The following BBS4 variants were observed in gnomAD, a reference collection of about 807,000 sequenced individuals.
BBS4 encodes the protein BBSome complex member BBS4.
BBS4 carries 58 observed loss-of-function variants against 71.4 expected under a neutral mutation model. The observed-to-expected ratio is 0.81, with a 90% CI of 0.66 to 1.01. The LOEUF (loss-of-function observed/expected upper bound fraction) is 1.01, where lower values mean the gene tolerates loss of function less well. Ranked by LOEUF, BBS4 falls within the 50% of genes least tolerant of loss-of-function variation. The pLI is 0.00. For synonymous variants in BBS4, 228 were observed against 216.8 expected, an observed-to-expected ratio of 1.05 and a Z score of -0.46; for missense variants, 660 against 607.9, an observed-to-expected ratio of 1.09 and a Z score of -0.90.
Position 72,727,991 on chromosome 15 carries a change from A to G in BBS4, c.639A>G (p.Leu213=), listed in dbSNP as rs149663241. The G allele has an allele frequency of 4.5e-5, 72 of 1,610,370 alleles. No individual in the cohort carries two copies. Among genetic ancestry groups the G allele is most frequent in the Non-Finnish European group, 5.7e-5 (67 of 1,176,722 alleles). ...TTACAACTTTAGGATTACTCTACTTACAGGTAATGAAAACTCTGTACTCAT... is the reference window on the plus strand; with the variant it reads ...TTACAACTTTAGGATTACTCTACTTGCAGGTAATGAAAACTCTGTACTCAT... ...ELLTTLGLLY[L]QLGIYQKAFE... is the part of the protein sequence containing the mutation. The change falls in exon 9 of 16, where the codon TTA becomes TTG. Residue 213 remains leucine (L), a synonymous_variant. Transcript: ENST00000268057.
At chr15:72,709,967 G>T (rs1478960353) in intron 3 of BBS4, among the ~76,000 whole-genome samples, 188 bp downstream of exon 3, 2 of 152,036 alleles carry the variant, frequency 1.3e-5, no homozygotes, top group African/African-American at 4.8e-5. Flanking sequence ...CAATATTTCA[G>T]TGGCCCCCAA....
intron 2 of BBS4, among the ~76,000 whole-genome samples, chr15:72,703,050 A>T (rs1266602067): frequency 4.0e-5 from 6 of 151,150 alleles, no homozygotes; most frequent in Non-Finnish European, 8.8e-5. Context: ...TGACCTCGTG[A>T]TCCGCCCGCC....
chr15:72,702,373 C>T (rs1400710106), intron 2 of BBS4, among the ~76,000 whole-genome samples: 1 of 152,086 alleles, frequency 6.6e-6, no homozygotes, highest in East Asian at 1.9e-4. Context: ...TGAGAATGTT[C>T]TCTGAATTGC....
intron 1 of BBS4, 149 bp from the exon 2 acceptor site, chr15:72,695,028 C>T (rs1262429615): frequency 2.3e-5 from 13 of 575,702 alleles, no homozygotes; most frequent in Non-Finnish European, 3.7e-5. Flanking sequence ...TTTTTTAAAC[C>T]ATATTTAAAG....
chr15:72,719,763 TTG>T (rs201576858), intron 6 of BBS4, among the ~76,000 whole-genome samples: 69,425 of 122,598 alleles, frequency 0.57, 17,860 homozygotes, highest in Non-Finnish European at 0.64. Context: ...TTTTTTTTTT[TTG>T]TTGAGACAGA....
chr15:72,736,808 A>T lies in BBS4; in HGVS notation c.1295A>T (p.Glu432Val), dbSNP rs774171182. ...TTGGGAGCTGCTCTCCAGGTTGGGG[A>T]GGCACTGGTCTGGACCAAACCAGTT... ...QKLGAALQVGEALVWTKPVKD... is the reference protein window; with the variant it reads ...QKLGAALQVGVALVWTKPVKD... The change falls in exon 15 of 16, where the codon GAG becomes GTG. Residue 432 changes from glutamate (E) to valine (V), a missense_variant. Glu to Val is a moderately radical substitution (Grantham distance 121, BLOSUM62 -2). Transcript: ENST00000268057. 6.2e-7 allele frequency: 1 copy of T among 1,614,128 alleles called. No individual in the cohort carries two copies. Among genetic ancestry groups the T allele is most frequent in the East Asian group, 2.2e-5 (1 of 44,870 alleles).
chr15:72,716,146 CT>C (rs2065465307), intron 5 of BBS4, among the ~76,000 whole-genome samples: 2 of 152,176 alleles, frequency 1.3e-5, no homozygotes, highest in Admixed American at 1.3e-4. Context: ...AATGGGTTTA[CT>C]GGGATGTAAC....
At position 72,729,939 on chromosome 15, in the gene BBS4, T is replaced by C. The variant is rs150440563; in HGVS notation, c.711+255T>C. On this transcript the variant is annotated intron_variant, in intron 10 of 15. Transcript: ENST00000268057. ...CAGATCATAGTGCTAGTAAAGCTTATGTGTTACTTAGGAAATTAGCAATGC... is the reference window on the plus strand; with the variant it reads ...CAGATCATAGTGCTAGTAAAGCTTACGTGTTACTTAGGAAATTAGCAATGC... 7.9e-5 allele frequency among the ~76,000 whole-genome samples: 12 copies of C among 152,314 alleles called. No individual in the cohort carries two copies. The East Asian group carries it at 9.6e-4, about 12-fold the overall frequency.
intron 2 of BBS4, among the ~76,000 whole-genome samples, chr15:72,707,286 C>G (rs2065282296): frequency 6.8e-6 from 1 of 147,568 alleles, no homozygotes; most frequent in South Asian, 2.1e-4. Context: ...TCAAGTGATT[C>G]TGGTGCCCAA....
intron 8 of BBS4, among the ~76,000 whole-genome samples, chr15:72,725,719 C>CCTTCCCCCTTTTCT (rs1220543523): frequency 8.3e-6 from 1 of 120,674 alleles, no homozygotes; most frequent in South Asian, 3.9e-4. Context: ...CCCCGTTTTC[C>CCTTCCCCCTTTTCT]CTTCCCCCTT....
intron 2 of BBS4, among the ~76,000 whole-genome samples, chr15:72,703,594 G>A (rs1057341530): frequency 6.6e-6 from 1 of 152,096 alleles, no homozygotes; most frequent in African/African-American, 2.4e-5. Flanking sequence ...AAAATTTTAG[G>A]GGGGATAAAT....
intron 1 of BBS4, among the ~76,000 whole-genome samples, chr15:72,692,724 A>G (rs1270714340): frequency 6.6e-6 from 1 of 151,796 alleles, no homozygotes; most frequent in African/African-American, 2.4e-5. Context: ...CCTTCTGAGT[A>G]GCTAGGACTA....
intron 10 of BBS4, among the ~76,000 whole-genome samples, chr15:72,730,417 T>A (rs2065792480): frequency 6.6e-6 from 1 of 152,014 alleles, no homozygotes; most frequent in African/African-American, 2.4e-5. Context: ...GGCCACATAG[T>A]GAGACCCCCA....
At chr15:72,700,808 T>G (rs2065156697) in intron 2 of BBS4, among the ~76,000 whole-genome samples, 1 of 152,204 alleles carries the variant, frequency 6.6e-6, no homozygotes, top group Non-Finnish European at 1.5e-5. Flanking sequence ...ATTTTTCTTT[T>G]GTTATTAATG....
intron 1 of BBS4, among the ~76,000 whole-genome samples, chr15:72,690,623 T>G (rs1222809320): frequency 6.6e-6 from 1 of 152,212 alleles, no homozygotes; most frequent in African/African-American, 2.4e-5. Flanking sequence ...TTTACTCAAT[T>G]TAAGTACAAA....
Position 72,713,174 on chromosome 15 carries a change from CT to C in BBS4, c.220+872del, listed in dbSNP as rs113558858. On this transcript the variant is annotated intron_variant, in intron 4 of 15. Coordinates refer to ENST00000268057, the MANE Select transcript of BBS4 (RefSeq NM_033028.5). ...CTGGCCCTTTATGCTATTCTTAAAA[CT>C]TTTTATTTTTTTACTTTTAAACTTT... Among the ~76,000 whole-genome samples, 388 of 152,050 alleles carry C rather than the reference CT, an allele frequency of 2.6e-3. 3 individuals are homozygous for C. The highest frequency in any genetic ancestry group is 8.8e-3 in the African/African-American group (367 of 41,506).
chr15:72,736,336 G>T (rs1049410091), intron 14 of BBS4, among the ~76,000 whole-genome samples: 1 of 151,240 alleles, frequency 6.6e-6, no homozygotes, highest in Non-Finnish European at 1.5e-5. Flanking sequence ...CCGCCTCCTG[G>T]GTTCAAGCAA....
rs1201556763 is a variant in BBS4, at chr15:72,715,442, A to G, written c.332+40A>G. On this transcript the variant is annotated intron_variant, in intron 5 of 15. Transcript: ENST00000268057. ...CCTGGAGGCCCTAGGGCACTCACAG[A>G]GAACAGTGTAAAATGCATTCCTAGG... 3.9e-5 allele frequency: 55 copies of G among 1,402,264 alleles called. 1 individual carries two copies. The highest frequency in any genetic ancestry group is 5.4e-5 in the Non-Finnish European group (53 of 988,212). The allele number at this position is 1,402,264 out of a possible 1,614,324, so 86.9% of individuals were successfully genotyped here.
intron 1 of BBS4, among the ~76,000 whole-genome samples, chr15:72,687,124 C>CTGTTTTTTTTTTTTTTTT (rs2064865687): frequency 1.3e-5 from 1 of 76,210 alleles, no homozygotes; most frequent in African/African-American, 4.9e-5. Context: ...AAGACAGAAA[C>CTGTTTTTTTTTTTTTTTT]TTTTTTTTTT....
Sources: gnomAD v4.1 joint callset for allele counts (sites outside exome capture counted in the v4.1 genomes callset) on GRCh38, gnomAD v4.1.1 for gene constraint, MANE v1.5 for transcripts, NCBI Gene and HGNC (gene_info 2026-07-23, HGNC 2026-07-21) for gene names.